SLC36A1: variants seen among roughly 807,000 people sequenced by gnomAD.
SLC36A1 encodes the protein solute carrier family 36 member 1.
SLC36A1 carries 30 observed loss-of-function variants against 47.5 expected under a neutral mutation model. The observed-to-expected ratio is 0.63, with a 90% confidence interval of 0.47 to 0.86. SLC36A1 has a LOEUF of 0.86. Ranked by LOEUF, SLC36A1 falls within the 40% of genes least tolerant of loss-of-function variation. SLC36A1 has a pLI of 0.00. For missense variants in SLC36A1, 517 were observed against 606.0 expected, an observed-to-expected ratio of 0.85 and a Z score of 1.54; for synonymous variants, 255 against 249.7, an observed-to-expected ratio of 1.02 and a Z score of -0.20.
At chr5:151,351,808 C>T in the SLC36A1 span, among the ~76,000 whole-genome samples, 1 of 152,188 alleles carries the variant, frequency 6.6e-6, no homozygotes, top group Non-Finnish European at 1.5e-5. Context: ...TAACTAGTTT[C>T]CTGGCCTCTC....
chr5:151,454,411 G>A (rs950210653), intron 1 of SLC36A1, among the ~76,000 whole-genome samples: 5 of 152,130 alleles, frequency 3.3e-5, no homozygotes, highest in African/African-American at 1.2e-4. Flanking sequence ...AGCAGGAGGA[G>A]GAGGCCTTGG....
chr5:151,431,220 A>G, the SLC36A1 span: 3 of 152,212 alleles, frequency 2.0e-5, no homozygotes, highest in Non-Finnish European at 2.9e-5. Flanking sequence ...GAAAAATTCC[A>G]CAAAAGTTTT....
the SLC36A1 span, chr5:151,521,851 C>T: frequency 1.1e-5 from 17 of 1,614,208 alleles, no homozygotes; most frequent in Non-Finnish European, 1.4e-5. Flanking sequence ...ATCAGGCGCA[C>T]CCACTGAGAA....
chr5:151,544,768 G>A, the SLC36A1 span: 4 of 1,614,120 alleles, frequency 2.5e-6, no homozygotes, highest in East Asian at 2.2e-5. Flanking sequence ...CCCAAGATAG[G>A]GGTCAATTCG....
the SLC36A1 span, chr5:151,382,258 G>C: frequency 7.5e-7 from 1 of 1,337,096 alleles, no homozygotes; most frequent in Non-Finnish European, 1.1e-6. Flanking sequence ...TACCAGCCTG[G>C]GAGCTACATA....
chr5:151,387,690 C>T, the SLC36A1 span, among the ~76,000 whole-genome samples: 1 of 152,222 alleles, frequency 6.6e-6, no homozygotes, highest in African/African-American at 2.4e-5. Context: ...TAGCCTTGAA[C>T]TCTTGGGCTC....
At chr5:151,535,121 T>C in the SLC36A1 span, among the ~76,000 whole-genome samples, 1 of 151,608 alleles carries the variant, frequency 6.6e-6, no homozygotes, top group Non-Finnish European at 1.5e-5. Context: ...AAGGGACTGG[T>C]TAAGTATATT....
At chr5:151,475,356 T>A (rs1757902732) in intron 8 of SLC36A1, among the ~76,000 whole-genome samples, 2 of 152,246 alleles carry the variant, frequency 1.3e-5, no homozygotes, top group East Asian at 1.9e-4. Context: ...TACCCAAGAC[T>A]TGTACACAAA....
the SLC36A1 span, among the ~76,000 whole-genome samples, chr5:151,506,393 G>A: frequency 4.6e-5 from 7 of 152,180 alleles, no homozygotes; most frequent in African/African-American, 1.4e-4. Context: ...CCCCACAGCT[G>A]GATACAGTAA....
In SLC36A1 at chr5:151,488,531, C is replaced by A. The variant is rs10076469; in HGVS notation, c.*277C>A. 7.5e-5 allele frequency: 35 copies of A among 466,420 alleles called. No homozygotes were observed. Among genetic ancestry groups the A allele is most frequent in the South Asian group, 2.1e-4 (8 of 37,494 alleles). 28.9% of individuals were successfully genotyped at this position (466,420 alleles called of 1,614,324 possible). Reference sequence around the variant, plus strand: ...TTCCAGCTCCCCCTCATCATGCCTCCTCCTTCCTACCTGCCTCCCCTCTGC... The same window carrying A: ...TTCCAGCTCCCCCTCATCATGCCTCATCCTTCCTACCTGCCTCCCCTCTGC... On this transcript the variant is annotated 3_prime_UTR_variant, in exon 11 of 11. Transcript: ENST00000243389.
the SLC36A1 span, among the ~76,000 whole-genome samples, chr5:151,498,237 G>T: frequency 3.3e-5 from 5 of 152,154 alleles, no homozygotes; most frequent in African/African-American, 1.2e-4. Context: ...GAGCCACTGC[G>T]CACGGCCAGG....
chr5:151,352,277 T>C, the SLC36A1 span, among the ~76,000 whole-genome samples: 1 of 152,184 alleles, frequency 6.6e-6, no homozygotes, highest in Admixed American at 6.5e-5. Flanking sequence ...TATGTGTGTG[T>C]ATCCCCATTG....
At chr5:151,524,160 G>A in the SLC36A1 span, among the ~76,000 whole-genome samples, 20 of 152,022 alleles carry the variant, frequency 1.3e-4, no homozygotes, top group African/African-American at 2.7e-4. Context: ...TCCCTTTTCC[G>A]TCTGAAACCC....
the SLC36A1 span, among the ~76,000 whole-genome samples, chr5:151,364,785 A>G: frequency 6.6e-6 from 1 of 152,186 alleles, no homozygotes; most frequent in Non-Finnish European, 1.5e-5. Flanking sequence ...TGGAAGCAGG[A>G]GCTCCAAGGA....
chr5:151,351,728 A>G, the SLC36A1 span, among the ~76,000 whole-genome samples: 1 of 152,298 alleles, frequency 6.6e-6, no homozygotes, highest in East Asian at 1.9e-4. Flanking sequence ...TATTCAGAGC[A>G]ATCCTTCATC....
At chr5:151,413,522 T>C in the SLC36A1 span, among the ~76,000 whole-genome samples, 5 of 152,274 alleles carry the variant, frequency 3.3e-5, no homozygotes, top group South Asian at 1.0e-3. Context: ...TGAATATTTA[T>C]GAAAAAACTG....
At chr5:151,528,315 G>A in the SLC36A1 span, among the ~76,000 whole-genome samples, 3 of 152,128 alleles carry the variant, frequency 2.0e-5, no homozygotes, top group Non-Finnish European at 4.4e-5. Context: ...AGCATGCCAT[G>A]GTTTATTCAT....
chr5:151,458,934 A>G lies in SLC36A1; in HGVS notation c.142A>G (p.Thr48Ala), dbSNP rs748805023. Residue 48 changes from threonine (T) to alanine (A), a missense_variant and splice_region_variant, in exon 2 of 11, where the codon ACA becomes GCA. Coordinates refer to ENST00000243389, the MANE Select transcript of SLC36A1 (RefSeq NM_078483.4). ...YQRFGQSNST[T>A]WFQTLIHLLK... is the part of the protein sequence containing the mutation. ...GCGCTTTGGTCAAAGCAATAGCACA[A>G]CGTGAGTAGCTGTTACCTTCTCCTC... 4.4e-6 allele frequency: 7 copies of G among 1,608,460 alleles called. No homozygotes were observed. Among genetic ancestry groups the G allele is most frequent in the East Asian group, 2.2e-5 (1 of 44,764 alleles).
chr5:151,542,330 C>T, the SLC36A1 span: 8 of 1,612,652 alleles, frequency 5.0e-6, no homozygotes, highest in East Asian at 1.6e-4. Context: ...GAAATGTCAG[C>T]ATCCAGGGTC....
Sources: gnomAD v4.1 joint callset for allele counts (sites outside exome capture counted in the v4.1 genomes callset) on GRCh38, gnomAD v4.1.1 for gene constraint, MANE v1.5 for transcripts, NCBI Gene and HGNC (gene_info 2026-07-23, HGNC 2026-07-21) for gene names.